The following EPS15L1 variants were observed in gnomAD, a reference collection of about 807,000 sequenced individuals.
EPS15L1 encodes epidermal growth factor receptor substrate 15-like 1.
Under a neutral mutation model 117.1 loss-of-function variants are expected in EPS15L1, and 43 were observed. The observed-to-expected ratio is 0.37, with a 90% CI of 0.29 to 0.47. The LOEUF (loss-of-function observed/expected upper bound fraction) is 0.47, where lower values mean the gene tolerates loss of function less well. Ranked by LOEUF, EPS15L1 falls within the 20% of genes least tolerant of loss-of-function variation. The pLI, the probability that EPS15L1 is intolerant of heterozygous loss-of-function variation, is 0.99. For synonymous variants in EPS15L1, 459 were observed against 470.5 expected (o/e 0.98, Z 0.32); for missense variants, 981 against 1,164.0 (o/e 0.84, Z 2.29).
intron 7 of EPS15L1, among the ~76,000 whole-genome samples, chr19:16,430,916 T>C (rs185861946): frequency 1.9e-3 from 282 of 152,254 alleles, no homozygotes; most frequent in Middle Eastern, 0.01. Flanking sequence ...CGGAGGGACA[T>C]GGGTGCATAG....
At chr19:16,387,788 C>T (rs2144752743) in intron 19 of EPS15L1, among the ~76,000 whole-genome samples, 1 of 152,098 alleles carries the variant, frequency 6.6e-6, no homozygotes, top group South Asian at 2.1e-4. Flanking sequence ...AAAAACCCCA[C>T]TTCATTAGGT....
intron 1 of EPS15L1, among the ~76,000 whole-genome samples, chr19:16,454,919 C>T (rs1278692697): frequency 6.6e-6 from 1 of 151,668 alleles, no homozygotes; most frequent in Non-Finnish European, 1.5e-5. Context: ...CACCTGAGGT[C>T]AGCAGTTTGA....
At chr19:16,388,631 T>C (rs1050725854) in intron 19 of EPS15L1, among the ~76,000 whole-genome samples, 16 of 151,680 alleles carry the variant, frequency 1.1e-4, no homozygotes, top group Non-Finnish European at 2.9e-5. Context: ...ATCGAGACCA[T>C]CCTGGCTAAC....
rs1021696512 is a variant in EPS15L1, at chr19:16,405,398, C to T, written c.1267-649G>A. On this transcript the variant is annotated intron_variant, in intron 13 of 23. Coordinates refer to ENST00000455140, the MANE Select transcript of EPS15L1 (RefSeq NM_001258374.3). This position sits in a 1 kb window ranked among gnomAD's most constrained non-coding sequence, Gnocchi z 4.0. ...CGGTGGGATGTGTGAGTGTGGGAGG[C>T]GGGACATCATGATTCTGTTTCTGAA... Among the ~76,000 whole-genome samples, 1 of 152,148 alleles carries T rather than the reference C, an allele frequency of 6.6e-6. No individual in the cohort carries two copies. The highest frequency in any genetic ancestry group is 2.4e-5 in the African/African-American group (1 of 41,428).
rs550490982 is a variant in EPS15L1, at chr19:16,387,467, C to T, written c.2104-1236G>A. The stretch of plus-strand genomic sequence containing the variant: ...CTAAAAATACAAAAAATTAGATGGG[C>T]GTGGTGGTGGATGCCTGTAATCCCA... On this transcript the variant is annotated intron_variant, in intron 19 of 23. Transcript: ENST00000455140. Among the ~76,000 whole-genome samples the T allele has an allele frequency of 3.3e-5, 5 of 152,314 alleles. No homozygotes were observed. The East Asian group carries it at 7.7e-4, about 23-fold the overall frequency.
rs1384029088 is a variant in EPS15L1 at position 16,418,062 on chromosome 19, G to T, written c.993C>A (p.Asp331Glu). 9 of 1,614,190 alleles carry T rather than the reference G, an allele frequency of 5.6e-6. No homozygotes were observed. The highest frequency in any genetic ancestry group is 1.1e-5 in the South Asian group (1 of 91,092). ...DTRQTGKLSK[D>E]QFALAMYFIQ... ...TGAAATACATAGCTAACGCGAATTG[G>T]TCTTTGCTTAACTTCCCCGTTTGCC... Residue 331 changes from aspartate to glutamate, a missense_variant, in exon 11 of 24, where the codon GAC becomes GAA. Asp to Glu is a conservative substitution (Grantham distance 45). Around this residue, in one of 5 missense-constraint regions of EPS15L1, gnomAD observed 819 missense variants for 949.0 expected, o/e 0.86. Coordinates refer to ENST00000455140, the MANE Select transcript of EPS15L1 (RefSeq NM_001258374.3).
intron 13 of EPS15L1, among the ~76,000 whole-genome samples, chr19:16,410,607 G>A (rs931986349): frequency 6.6e-6 from 1 of 152,084 alleles, no homozygotes; most frequent in Admixed American, 6.5e-5. Context: ...AGGGATGGAT[G>A]AGTAAAATGT....
chr19:16,374,067 T>TAGA (rs2092261679), intron 22 of EPS15L1, among the ~76,000 whole-genome samples: 1 of 152,260 alleles, frequency 6.6e-6, no homozygotes, highest in Non-Finnish European at 1.5e-5. Context: ...GAGAATGTTC[T>TAGA]GAAGCTCATG....
intron 1 of EPS15L1, among the ~76,000 whole-genome samples, chr19:16,464,370 C>A (rs949168739): frequency 6.6e-6 from 1 of 152,220 alleles, no homozygotes; most frequent in East Asian, 1.9e-4. Context: ...CCCAGTCCAG[C>A]GCGAAGGACA....
chr19:16,437,377 A>G (rs1000089608), intron 5 of EPS15L1, among the ~76,000 whole-genome samples: 7 of 152,310 alleles, frequency 4.6e-5, no homozygotes, highest in African/African-American at 1.7e-4. Flanking sequence ...GCTGAGAGAG[A>G]GGCCAGACAC....
At chr19:16,396,353 C>G (rs1416329615) in intron 16 of EPS15L1, among the ~76,000 whole-genome samples, 1 of 152,182 alleles carries the variant, frequency 6.6e-6, no homozygotes, top group Non-Finnish European at 1.5e-5. Flanking sequence ...CCTTGACCAT[C>G]TGGGCTCAAG....
At chr19:16,364,498 G>C (rs949893475) in intron 22 of EPS15L1, among the ~76,000 whole-genome samples, 1 of 152,204 alleles carries the variant, frequency 6.6e-6, no homozygotes, top group African/African-American at 2.4e-5. Flanking sequence ...GCAGAGAGCA[G>C]GGTGATCTGG....
In EPS15L1 at chr19:16,411,606, T is replaced by C. The variant is rs953667550; in HGVS notation, c.1266+2167A>G. Among the ~76,000 whole-genome samples the C allele has an allele frequency of 2.0e-4, 31 of 152,204 alleles. 1 individual carries two copies. Among genetic ancestry groups the C allele is most frequent in the Non-Finnish European group, 2.9e-5 (2 of 68,036 alleles). ...ATTACATAGCCATCCTTCAGATTGG[T>C]ATTAAAATTTGCAGATGCTCAAGTG... On this transcript the variant is annotated intron_variant, in intron 13 of 23. Transcript: ENST00000455140.
rs766752894 is a variant in EPS15L1, at chr19:16,418,010, C to G, written c.1045G>C (p.Asp349His). 1.2e-6 allele frequency: 2 copies of G among 1,614,176 alleles called. No homozygotes were observed. The highest frequency in any genetic ancestry group is 1.7e-5 in the Admixed American group (1 of 60,018). Residue 349 changes from aspartate (D) to histidine (H), a missense_variant, in exon 11 of 24, where the codon GAC becomes CAC. Around this residue, in one of 5 missense-constraint regions of EPS15L1, gnomAD observed 819 missense variants for 949.0 expected, o/e 0.86. Coordinates refer to ENST00000455140, the MANE Select transcript of EPS15L1 (RefSeq NM_001258374.3). The stretch of plus-strand genomic sequence containing the variant: ...TCCGGCGAGAGGACTTGAGGAGGGT[C>G]GATGCCTTTACTGACCTTCTGCTGA... The part of the protein sequence containing the change: ...FIQQKVSKGI[D>H]PPQVLSPDMV...
At chr19:16,367,649 C>A (rs947592709) in intron 22 of EPS15L1, among the ~76,000 whole-genome samples, 8 of 150,952 alleles carry the variant, frequency 5.3e-5, no homozygotes, top group Middle Eastern at 3.4e-3. Flanking sequence ...GGCTCTGCTG[C>A]ACTAGCGTTC....
chr19:16,380,722 C>G (rs985270194), intron 21 of EPS15L1, among the ~76,000 whole-genome samples: 1 of 152,254 alleles, frequency 6.6e-6, no homozygotes, highest in Non-Finnish European at 1.5e-5. Flanking sequence ...TCTAGTCACA[C>G]AGATGCGACT....
intron 22 of EPS15L1, among the ~76,000 whole-genome samples, chr19:16,368,595 G>A (rs567793378): frequency 6.6e-6 from 1 of 151,584 alleles, no homozygotes; most frequent in Admixed American, 6.6e-5. Flanking sequence ...CACACAACAG[G>A]TGGTGCCCAC....
intron 16 of EPS15L1, among the ~76,000 whole-genome samples, chr19:16,396,687 T>G (rs57370131): frequency 1.1e-3 from 166 of 152,164 alleles, no homozygotes; most frequent in African/African-American, 3.8e-3. Context: ...AAAACAAAAT[T>G]TTTTTCTAAG....
At chr19:16,467,031 A>G (rs1043868138) in intron 1 of EPS15L1, among the ~76,000 whole-genome samples, 8 of 152,198 alleles carry the variant, frequency 5.3e-5, no homozygotes, top group African/African-American at 1.9e-4. Context: ...ACTAAGGTAC[A>G]GAAAGTATTT....
Sources: allele counts gnomAD v4.1 joint callset (sites outside exome capture counted in the v4.1 genomes callset), GRCh38; gene constraint gnomAD v4.1.1; regional missense constraint gnomAD v4.1.1; non-coding constraint Gnocchi (gnomAD v3.1); transcripts MANE v1.5; gene names NCBI Gene and HGNC (gene_info 2026-07-23, HGNC 2026-07-21).